HOOK1: variants seen among roughly 807,000 people sequenced by gnomAD.
HOOK1 encodes the protein hook microtubule tethering protein 1.
HOOK1 carries 60 observed loss-of-function variants against 112.8 expected under a neutral mutation model. The observed-to-expected ratio is 0.53, with a 90% confidence interval of 0.43 to 0.66. The LOEUF (loss-of-function observed/expected upper bound fraction) is 0.66, where lower values mean the gene tolerates loss of function less well. HOOK1 is among the 30% of genes least tolerant of loss of function. HOOK1 has a pLI of 0.00. For synonymous variants in HOOK1, 294 were observed against 283.8 expected (o/e 1.04, Z -0.36); for missense variants, 770 against 856.0 (o/e 0.90, Z 1.25).
At chr1:59,870,450 T>C (rs138423056) in intron 20 of HOOK1, among the ~76,000 whole-genome samples, 93 of 152,342 alleles carry the variant, frequency 6.1e-4, no homozygotes, top group African/African-American at 2.1e-3. Flanking sequence ...TTGGTTCTTA[T>C]ATACTTTTTG....
intron 1 of HOOK1, 119 bp downstream of exon 1, chr1:59,815,299 T>G: frequency 2.2e-6 from 2 of 909,036 alleles, no homozygotes; most frequent in African/African-American, 1.7e-5. Context: ...CACCCTGCCC[T>G]TCTCACCTCG....
intron 1 of HOOK1, among the ~76,000 whole-genome samples, chr1:59,819,306 C>T (rs780540213): frequency 6.6e-6 from 1 of 151,870 alleles, no homozygotes; most frequent in Non-Finnish European, 1.5e-5. Flanking sequence ...TGTGCCACCA[C>T]ACCCGGCTAA....
At chr1:59,852,642 AT>A (rs1441714334) in intron 12 of HOOK1, among the ~76,000 whole-genome samples, 3 of 148,052 alleles carry the variant, frequency 2.0e-5, no homozygotes, top group Non-Finnish European at 3.0e-5. Flanking sequence ...TATTTTATTT[AT>A]TTTTACTCTA....
At chr1:59,828,240 C>A in intron 2 of HOOK1, among the ~76,000 whole-genome samples, 1 of 152,122 alleles carries the variant, frequency 6.6e-6, no homozygotes, top group East Asian at 1.9e-4. Context: ...TGGGACTTTG[C>A]TTTTCATTAA....
At chr1:59,830,255 C>G (rs1034506719) in intron 3 of HOOK1, among the ~76,000 whole-genome samples, 1 of 151,866 alleles carries the variant, frequency 6.6e-6, no homozygotes, top group African/African-American at 2.4e-5. Context: ...TCTTATTATA[C>G]TATGTGTATA....
At position 59,848,513 on chromosome 1, in the gene HOOK1, G is replaced by T; in HGVS notation, c.1128G>T (p.Arg376Ser). Residue 376 changes from arginine (R) to serine (S), a missense_variant, in exon 11 of 22, where the codon AGG becomes AGT. Physicochemically the swap from Arg to Ser is moderately radical, Grantham distance 110. Around this residue, in one of 3 missense-constraint regions of HOOK1, gnomAD observed 655 missense variants for 725.9 expected, o/e 0.90. Coordinates refer to ENST00000371208, the MANE Select transcript of HOOK1 (RefSeq NM_015888.6). ...GTACACAATTAGAAACATACAAAAG[G>T]CAGGTAAGAAACATCTTAATTTTTA... ...AARTQLETYK[R>S]QVQDLHVKLS... The T allele has an allele frequency of 6.2e-7, 1 of 1,600,400 alleles. No homozygotes were observed. The highest frequency in any genetic ancestry group is 8.5e-7 in the Non-Finnish European group (1 of 1,170,806).
At chr1:59,827,067 G>T (rs947506369) in intron 2 of HOOK1, among the ~76,000 whole-genome samples, 17 of 152,100 alleles carry the variant, frequency 1.1e-4, no homozygotes, top group African/African-American at 4.1e-4. Context: ...CCTGGCCCAA[G>T]ATTTTTTTTT....
At chr1:59,839,929 C>A (rs2098400125) in intron 7 of HOOK1, among the ~76,000 whole-genome samples, 1 of 152,140 alleles carries the variant, frequency 6.6e-6, no homozygotes, top group Non-Finnish European at 1.5e-5. Context: ...AAGGACTTTG[C>A]TGCATCTATT....
chr1:59,824,148 G>A (rs561768522), intron 2 of HOOK1, among the ~76,000 whole-genome samples: 4 of 151,922 alleles, frequency 2.6e-5, no homozygotes, highest in Admixed American at 6.6e-5. Flanking sequence ...GTCCTATTCC[G>A]ATTAAAAGGT....
intron 16 of HOOK1, among the ~76,000 whole-genome samples, chr1:59,864,179 C>T (rs769773914): frequency 4.0e-4 from 60 of 151,702 alleles, no homozygotes; most frequent in Non-Finnish European, 1.5e-5. Flanking sequence ...AAAGTATTTA[C>T]AACTATAATA....
intron 7 of HOOK1, among the ~76,000 whole-genome samples, chr1:59,839,801 A>G (rs889907755): frequency 6.6e-6 from 1 of 152,162 alleles, no homozygotes; most frequent in Non-Finnish European, 1.5e-5. Flanking sequence ...GTTTTTGCCC[A>G]TTCAGTATGA....
At chr1:59,828,690 A>G in intron 2 of HOOK1, 90 bp from the exon 3 acceptor site, 1 of 995,402 alleles carries the variant, frequency 1.0e-6, no homozygotes, top group Non-Finnish European at 1.5e-6. Context: ...AGGCTTTAAG[A>G]CATAAAGTAA....
At chr1:59,864,546 A>C (rs1479836443) in intron 16 of HOOK1, 86 bp from the exon 17 acceptor site, 1 of 809,294 alleles carries the variant, frequency 1.2e-6, no homozygotes, top group African/African-American at 1.8e-5. Flanking sequence ...GTACACCTTC[A>C]AAAGGAGGTA....
chr1:59,855,982 ATATTTTTTTTTT>A lies in HOOK1; in HGVS notation c.1243-2444_1243-2433del, dbSNP rs1559058069. Among the ~76,000 whole-genome samples, 535 of 64,992 alleles carry A rather than the reference ATATTTTTTTTTT, an allele frequency of 8.2e-3. 11 individuals carry two copies. Among genetic ancestry groups the A allele is most frequent in the African/African-American group, 0.03 (433 of 14,322 alleles). 42.6% of individuals were successfully genotyped at this position (64,992 alleles called of 152,430 possible). On this transcript the variant is annotated intron_variant, in intron 12 of 21. Transcript: ENST00000371208. ...TATAAATTATTATATATATATATAT[ATATTTTTTTTTT>A]TTTTTTTTTTTTTTTTGTAGAGACA...
At chr1:59,855,707 C>G (rs1343705764) in intron 12 of HOOK1, among the ~76,000 whole-genome samples, 1 of 151,302 alleles carries the variant, frequency 6.6e-6, no homozygotes, top group African/African-American at 2.4e-5. Flanking sequence ...TATTGGCATA[C>G]TTGATGGGAG....
At chr1:59,832,039 A>C (rs2098394368) in intron 3 of HOOK1, 124 bp from the exon 4 acceptor site, 2 of 532,308 alleles carry the variant, frequency 3.8e-6, no homozygotes, top group African/African-American at 2.0e-5. Flanking sequence ...TATTTATAGA[A>C]CTCTATTATA....
rs533157534 is a variant in HOOK1 at position 59,839,895 on chromosome 1, A to G, written c.538-413A>G. On this transcript the variant is annotated intron_variant, in intron 7 of 21. Coordinates refer to ENST00000371208, the MANE Select transcript of HOOK1 (RefSeq NM_015888.6). Reference sequence around the variant, plus strand: ...ACCTAGTTTTTTGAGAGTTTTTAGCATGAAAGGCTGTTGAATTTTGTTGAA... The same window carrying G: ...ACCTAGTTTTTTGAGAGTTTTTAGCGTGAAAGGCTGTTGAATTTTGTTGAA... Among the ~76,000 whole-genome samples the G allele has an allele frequency of 1.4e-4, 22 of 152,310 alleles. No homozygotes were observed. The South Asian group carries it at 4.4e-3, about 30-fold the overall frequency.
intron 17 of HOOK1, 29 bp from the exon 18 acceptor site, chr1:59,865,134 C>A (rs987909837): frequency 1.5e-5 from 20 of 1,356,412 alleles, no homozygotes; most frequent in Non-Finnish European, 1.8e-5. Flanking sequence ...ATGGCAGAGA[C>A]CAGTCTCCAT....
At position 59,832,192 on chromosome 1, in the gene HOOK1, A is replaced by T. The variant is rs994831492; in HGVS notation, c.252A>T (p.Gly84=). 6.4e-7 allele frequency: 1 copy of T among 1,559,450 alleles called. No individual in the cohort carries two copies. The part of the protein sequence containing the change: ...KASNVKKVLQ[G]IMSYYHEFLG... ...GTAATGTAAAGAAGGTCCTTCAAGG[A>T]ATTATGAGTTATTATCATGAGGTAT... Residue 84 remains glycine (G), a synonymous_variant, in exon 4 of 22, where the codon GGA becomes GGT. Coordinates refer to ENST00000371208, the MANE Select transcript of HOOK1 (RefSeq NM_015888.6).
Sources: allele counts gnomAD v4.1 joint callset (sites outside exome capture counted in the v4.1 genomes callset), GRCh38; gene constraint gnomAD v4.1.1; regional missense constraint gnomAD v4.1.1; transcripts MANE v1.5; gene names NCBI Gene and HGNC (gene_info 2026-07-23, HGNC 2026-07-21).